The following SGCZ variants were observed in gnomAD, a reference collection of about 807,000 sequenced individuals.
SGCZ encodes the protein zeta-sarcoglycan.
SGCZ carries 40 observed loss-of-function variants against 41.3 expected under a neutral mutation model. The observed-to-expected ratio is 0.97, with a 90% CI of 0.75 to 1.26. SGCZ has a LOEUF of 1.26. Among genes scored for constraint, SGCZ ranks in the 50% most tolerant of loss-of-function variants. SGCZ has a pLI of 0.00. For synonymous variants in SGCZ, 206 were observed against 137.5 expected (o/e 1.50, Z -3.49); for missense variants, 552 against 369.8 (o/e 1.49, Z -4.04).
intron 1 of SGCZ, among the ~76,000 whole-genome samples, chr8:14,802,336 A>C (rs973550741): frequency 1.3e-5 from 2 of 152,372 alleles, no homozygotes; most frequent in East Asian, 3.9e-4. Context: ...TAAATAAAAC[A>C]TAAATAAAAA....
intron 1 of SGCZ, among the ~76,000 whole-genome samples, chr8:15,183,709 A>G (rs549444364): frequency 9.1e-4 from 139 of 152,304 alleles, no homozygotes; most frequent in African/African-American, 3.2e-3. Context: ...TACTTATGAA[A>G]ATATACCGGG....
intron 1 of SGCZ, among the ~76,000 whole-genome samples, chr8:14,603,106 G>T (rs1170233819): frequency 6.6e-6 from 1 of 152,128 alleles, no homozygotes; most frequent in African/African-American, 2.4e-5. Context: ...AAGGAGCTAG[G>T]TGGCCTGGGA....
intron 1 of SGCZ, among the ~76,000 whole-genome samples, chr8:14,973,573 C>G (rs914703287): frequency 1.3e-5 from 2 of 152,120 alleles, no homozygotes; most frequent in African/African-American, 2.4e-5. Flanking sequence ...CTAAAGGAAT[C>G]TAGATTTAAA....
At chr8:14,827,210 G>T in intron 1 of SGCZ, among the ~76,000 whole-genome samples, 1 of 145,440 alleles carries the variant, frequency 6.9e-6, no homozygotes, top group African/African-American at 2.5e-5. Flanking sequence ...TTAAGTCTCT[G>T]TTTATATCAC....
chr8:14,509,019 G>A (rs1416249109), intron 2 of SGCZ, among the ~76,000 whole-genome samples: 3 of 151,946 alleles, frequency 2.0e-5, no homozygotes, highest in African/African-American at 4.8e-5. Context: ...TGTTAATATC[G>A]AACTTTCAAA....
chr8:15,218,010 T>C (rs1244435567), intron 1 of SGCZ, among the ~76,000 whole-genome samples: 1 of 152,112 alleles, frequency 6.6e-6, no homozygotes, highest in African/African-American at 2.4e-5. Flanking sequence ...TACTTCACCC[T>C]GGGAGGCGGA....
In SGCZ at chr8:14,920,925, C is replaced by G. The variant is rs148275672; in HGVS notation, c.39+316660G>C. Among the ~76,000 whole-genome samples the G allele has an allele frequency of 1.5e-3, 235 of 152,284 alleles. 2 individuals carry two copies. Among genetic ancestry groups the G allele is most frequent in the Non-Finnish European group, 2.9e-3 (195 of 68,026 alleles). ...TTGAAACAATCATTTTCCCAGCCATCAGCATAGTGGCTTCTACGCTCAGAA... is the reference window on the plus strand; with the variant it reads ...TTGAAACAATCATTTTCCCAGCCATGAGCATAGTGGCTTCTACGCTCAGAA... On this transcript the variant is annotated intron_variant, in intron 1 of 7. Transcript: ENST00000382080.
At chr8:14,745,111 G>A (rs892654249) in intron 1 of SGCZ, among the ~76,000 whole-genome samples, 2 of 152,090 alleles carry the variant, frequency 1.3e-5, no homozygotes, top group Non-Finnish European at 2.9e-5. Flanking sequence ...TTCCCTGACT[G>A]TAAGTTTCAG....
chr8:15,036,879 A>C (rs532068181), intron 1 of SGCZ, among the ~76,000 whole-genome samples: 1 of 152,322 alleles, frequency 6.6e-6, no homozygotes, highest in Admixed American at 6.5e-5. Flanking sequence ...CAGCACATTA[A>C]AAATATCATT....
intron 2 of SGCZ, among the ~76,000 whole-genome samples, chr8:14,526,810 T>C (rs1802963522): frequency 6.6e-6 from 1 of 152,164 alleles, no homozygotes; most frequent in Non-Finnish European, 1.5e-5. Context: ...GGAGAATTTA[T>C]CTATGACAGA....
rs1343180453 is a variant in SGCZ at position 14,090,618 on chromosome 8, G to T, written c.764C>A (p.Thr255Lys). The change falls in exon 8 of 8, where the codon ACA becomes AAA. Residue 255 changes from threonine (T) to lysine (K), a missense_variant. Coordinates refer to ENST00000382080, the MANE Select transcript of SGCZ (RefSeq NM_139167.4). ...AGTTGGTAGATTTCCCAGCTTGATT[G>T]TCTCTGCATTTAAAAATATCTATGG... The part of the protein sequence containing the change: ...TEGEIFLNAE[T>K]IKLGNLPTGS... The T allele has an allele frequency of 3.1e-6, 5 of 1,608,790 alleles. No individual in the cohort carries two copies. The highest frequency in any genetic ancestry group is 4.2e-6 in the Non-Finnish European group (5 of 1,178,478).
At chr8:14,387,175 G>T (rs762779915) in intron 2 of SGCZ, among the ~76,000 whole-genome samples, 45 of 152,136 alleles carry the variant, frequency 3.0e-4, no homozygotes, top group Non-Finnish European at 2.5e-4. Context: ...AGCCTCCTGA[G>T]TAGCTAGGAC....
At chr8:15,053,043 A>G (rs927388110) in intron 1 of SGCZ, among the ~76,000 whole-genome samples, 6 of 152,296 alleles carry the variant, frequency 3.9e-5, no homozygotes, top group Non-Finnish European at 8.8e-5. Context: ...TTCCTCTGTA[A>G]TAACTCTAAA....
At chr8:14,586,708 G>T (rs1280333045) in intron 1 of SGCZ, among the ~76,000 whole-genome samples, 1 of 152,134 alleles carries the variant, frequency 6.6e-6, no homozygotes, top group Non-Finnish European at 1.5e-5. Context: ...TTAAGTGGAT[G>T]ACAATACTGG....
chr8:14,911,381 G>T (rs1402424714), intron 1 of SGCZ, among the ~76,000 whole-genome samples: 2 of 151,962 alleles, frequency 1.3e-5, no homozygotes, highest in South Asian at 2.1e-4. Context: ...GGAAAAGACA[G>T]CATCAAAAGA....
chr8:15,124,124 C>G (rs1004813444), intron 1 of SGCZ, among the ~76,000 whole-genome samples: 1 of 152,002 alleles, frequency 6.6e-6, no homozygotes, highest in African/African-American at 2.4e-5. Flanking sequence ...TGTGATGTGG[C>G]GAATGAATGA....
chr8:15,197,946 T>C (rs1800782284), intron 1 of SGCZ, among the ~76,000 whole-genome samples: 1 of 150,048 alleles, frequency 6.7e-6, no homozygotes, highest in Admixed American at 6.7e-5. Flanking sequence ...AAACACATAA[T>C]ACATACCATA....
At chr8:14,197,485 G>A (rs181346466) in intron 4 of SGCZ, among the ~76,000 whole-genome samples, 2 of 151,784 alleles carry the variant, frequency 1.3e-5, no homozygotes, top group Admixed American at 1.3e-4. Flanking sequence ...AAGAATGCAA[G>A]GCTGGTATGT....
intron 1 of SGCZ, among the ~76,000 whole-genome samples, chr8:14,588,882 G>T (rs940943956): frequency 9.2e-5 from 14 of 152,114 alleles, no homozygotes; most frequent in Non-Finnish European, 1.8e-4. Flanking sequence ...TCTAATTAAA[G>T]GGAAAATAAT....
Sources: allele counts gnomAD v4.1 joint callset (sites outside exome capture counted in the v4.1 genomes callset), GRCh38; gene constraint gnomAD v4.1.1; transcripts MANE v1.5; gene names NCBI Gene and HGNC (gene_info 2026-07-23, HGNC 2026-07-21).